Variants in ZNF883 observed in about 807,000 individuals in gnomAD.
The protein encoded by ZNF883 is zinc finger protein 883.
At chr9:112,997,610 G>A (rs1355584067) in exon 1 of ZNF883, 1 of 1,613,992 alleles carries the variant, frequency 6.2e-7, no homozygotes, top group Admixed American at 1.7e-5. Flanking sequence ...ATGGCTGAAA[G>A]CTTTCCCACA....
chr9:112,991,966 A>G (rs1174935707), intron 1 of ZNF883, among the ~76,000 whole-genome samples: 1 of 152,124 alleles, frequency 6.6e-6, no homozygotes, highest in Non-Finnish European at 1.5e-5. Flanking sequence ...TTTTGAGCCT[A>G]TATGTGTCTT....
upstream of ZNF883, among the ~76,000 whole-genome samples, chr9:113,000,239 T>C (rs968122570): frequency 1.3e-5 from 2 of 152,084 alleles, no homozygotes; most frequent in Non-Finnish European, 2.9e-5. Flanking sequence ...TAAAAGACAA[T>C]GAAACTAATT....
At chr9:113,002,595 AC>A (rs1257823010), upstream of ZNF883, among the ~76,000 whole-genome samples, 1 of 152,140 alleles carries the variant, frequency 6.6e-6, no homozygotes, top group Non-Finnish European at 1.5e-5. Flanking sequence ...CAAATCTAAA[AC>A]TATTCTAAAA....
intron 1 of ZNF883, among the ~76,000 whole-genome samples, chr9:112,990,249 G>C (rs904096622): frequency 6.6e-6 from 1 of 152,102 alleles, no homozygotes; most frequent in Admixed American, 6.5e-5. Flanking sequence ...ATTGGCTGTG[G>C]GTTTGTCATG....
At chr9:112,994,095 T>C (rs974230), downstream of ZNF883, among the ~76,000 whole-genome samples, 72,534 of 151,966 alleles carry the variant, frequency 0.48, 19,093 homozygotes, top group East Asian at 0.81. Context: ...AGGCTCTCTC[T>C]AGCCTTGTGG....
chr9:113,004,108 G>A (rs915393387), intron 2 of ZNF883, among the ~76,000 whole-genome samples: 1 of 152,192 alleles, frequency 6.6e-6, no homozygotes, highest in Admixed American at 6.5e-5. Context: ...CACACACACA[G>A]AAAGTCATGT....
At chr9:112,990,505 A>C (rs181358290) in intron 1 of ZNF883, among the ~76,000 whole-genome samples, 40 of 152,292 alleles carry the variant, frequency 2.6e-4, no homozygotes, top group Non-Finnish European at 3.8e-4. Context: ...GTGCTCCTGG[A>C]TTCAGTTTGC....
At chr9:112,988,613 C>T (rs1167534010) in intron 1 of ZNF883, among the ~76,000 whole-genome samples, 3 of 152,306 alleles carry the variant, frequency 2.0e-5, no homozygotes, top group Middle Eastern at 3.4e-3. Context: ...CTGCAATAAA[C>T]ATACGTGTGC....
Position 112,990,265 on chromosome 9 carries a change from C to T in ZNF883, n.310-6686G>A, listed in dbSNP as rs551865415. Among the ~76,000 whole-genome samples, 7 of 152,180 alleles carry T rather than the reference C, an allele frequency of 4.6e-5. No individual in the cohort carries two copies. The South Asian group carries it at 1.5e-3, about 32-fold the overall frequency. On this transcript the variant is annotated intron_variant and non_coding_transcript_variant, in intron 1 of 9. Coordinates refer to the ZNF883 transcript ENST00000638823. ...TTGGCTGTGGGTTTGTCATGTGGCTCTTACTATTTTGAGATATGTTCCATC... is the reference window on the plus strand; with the variant it reads ...TTGGCTGTGGGTTTGTCATGTGGCTTTTACTATTTTGAGATATGTTCCATC...
downstream of ZNF883, among the ~76,000 whole-genome samples, chr9:112,995,095 T>C (rs1408692): frequency 0.041 from 6,188 of 152,282 alleles, 412 homozygotes; most frequent in African/African-American, 0.14. Flanking sequence ...TAGGTGTCTT[T>C]GAATGTGTTT....
At chr9:112,991,893 G>A (rs1207812519) in intron 1 of ZNF883, among the ~76,000 whole-genome samples, 1 of 152,130 alleles carries the variant, frequency 6.6e-6, no homozygotes, top group Admixed American at 6.6e-5. Context: ...TCAGAAACTA[G>A]TATTGCAACC....
intron 2 of ZNF883, among the ~76,000 whole-genome samples, chr9:113,005,994 G>A (rs1055356288): frequency 6.6e-6 from 1 of 151,646 alleles, no homozygotes; most frequent in Non-Finnish European, 1.5e-5. Flanking sequence ...TGACACCACT[G>A]GTAAGACAGG....
chr9:113,001,828 A>G (rs939975508), upstream of ZNF883, among the ~76,000 whole-genome samples: 1 of 152,224 alleles, frequency 6.6e-6, no homozygotes, highest in Admixed American at 6.5e-5. Context: ...TGATACTTCT[A>G]AGGTAACAAA....
downstream of ZNF883, among the ~76,000 whole-genome samples, chr9:112,995,710 AG>A (rs61267317): frequency 0.47 from 71,450 of 151,984 alleles, 18,508 homozygotes; most frequent in East Asian, 0.81. Flanking sequence ...CTATTAAGAT[AG>A]GTTTTTGTTT....
chr9:113,003,950 T>G (rs1828451169), intron 2 of ZNF883, among the ~76,000 whole-genome samples: 1 of 93,866 alleles, frequency 1.1e-5, no homozygotes, highest in Non-Finnish European at 2.1e-5. Context: ...GTTGTAATCC[T>G]AACAGTACCT....
chr9:112,997,431 T>C (rs760030553), exon 1 of ZNF883: 4 of 1,614,088 alleles, frequency 2.5e-6, no homozygotes, highest in Non-Finnish European at 3.4e-6. Context: ...AGGTGTGTAC[T>C]TCGACTGAAG....
chr9:112,998,482 G>A (rs1012317695), upstream of ZNF883: 3 of 359,260 alleles, frequency 8.4e-6, no homozygotes, highest in Non-Finnish European at 1.5e-5. Flanking sequence ...AGTTACAGTA[G>A]TCCTGCCTTA....
At chr9:112,990,751 T>G (rs1029404017) in intron 1 of ZNF883, among the ~76,000 whole-genome samples, 1 of 152,138 alleles carries the variant, frequency 6.6e-6, no homozygotes, top group African/African-American at 2.4e-5. Flanking sequence ...CCTGGGCTTT[T>G]TTTTTGTTGT....
chr9:112,993,205 A>T (rs1327624761), downstream of ZNF883, among the ~76,000 whole-genome samples: 1 of 152,106 alleles, frequency 6.6e-6, no homozygotes, highest in Admixed American at 6.5e-5. Context: ...TTCTCATTTC[A>T]TGAGTTTATC....
Sources: allele counts gnomAD v4.1 joint callset (sites outside exome capture counted in the v4.1 genomes callset), GRCh38; gene constraint gnomAD v4.1.1; transcripts MANE v1.5; gene names NCBI Gene and HGNC (gene_info 2026-07-23, HGNC 2026-07-21).